Variants in MAP7 observed in about 807,000 individuals in gnomAD.
The protein encoded by MAP7 is ensconsin.
MAP7 carries 52 observed loss-of-function variants against 94.8 expected under a neutral mutation model. That is an observed-to-expected ratio of 0.55 (90% CI 0.44 to 0.69). The LOEUF (loss-of-function observed/expected upper bound fraction) is 0.69, where lower values mean the gene tolerates loss of function less well. Among genes scored for constraint, MAP7 ranks in the 30% least tolerant of loss-of-function variants. The pLI is 0.00. For missense variants in MAP7, 940 were observed against 964.6 expected, an observed-to-expected ratio of 0.97 and a Z score of 0.34; for synonymous variants, 350 against 357.0, an observed-to-expected ratio of 0.98 and a Z score of 0.22.
In MAP7 at chr6:136,479,240, A is replaced by G. The variant is rs12194983; in HGVS notation, c.68-57441T>C. ...TCGCAAACTCAACGTGATACATCAT[A>G]TCAACAAAATAAAAAACCACATAAT... On this transcript the variant is annotated intron_variant, in intron 1 of 17. Coordinates refer to ENST00000354570, the MANE Select transcript of MAP7 (RefSeq NM_003980.6). Among the ~76,000 whole-genome samples the G allele has an allele frequency of 8.3e-3, 1,267 of 152,264 alleles. 12 individuals are homozygous for G. The highest frequency in any genetic ancestry group is 0.013 in the Non-Finnish European group (908 of 67,994).
intron 1 of MAP7, among the ~76,000 whole-genome samples, chr6:136,518,890 T>C (rs1733429509): frequency 6.6e-6 from 1 of 152,354 alleles, no homozygotes; most frequent in Non-Finnish European, 1.5e-5. Context: ...GAGTCAGCTC[T>C]TTTAGCTCCA....
chr6:136,501,498 A>G (rs1210653875), intron 1 of MAP7, among the ~76,000 whole-genome samples: 1 of 152,084 alleles, frequency 6.6e-6, no homozygotes, highest in Non-Finnish European at 1.5e-5. Flanking sequence ...TAAGTGCTCC[A>G]CTCATGATGG....
At chr6:136,511,749 T>A (rs1276183996) in intron 1 of MAP7, among the ~76,000 whole-genome samples, 1 of 152,226 alleles carries the variant, frequency 6.6e-6, no homozygotes, top group African/African-American at 2.4e-5. Flanking sequence ...GATTTGTGTA[T>A]GCAAGTTCTC....
At position 136,522,253 on chromosome 6, in the gene MAP7, C is replaced by G. The variant is rs77108073; in HGVS notation, c.67+28089G>C. On this transcript the variant is annotated intron_variant, in intron 1 of 17. Transcript: ENST00000354570. The stretch of plus-strand genomic sequence containing the variant: ...TAAGAGCATCAGCATAAGCCCAGCT[C>G]GCTCCCAGTGATTATTTAATTACTG... Among the ~76,000 whole-genome samples the G allele has an allele frequency of 8.6e-3, 1,314 of 152,192 alleles. 5 individuals are homozygous for G. Among genetic ancestry groups the G allele is most frequent in the Middle Eastern group, 0.027 (8 of 294 alleles).
At chr6:136,381,642 G>A (rs886514260) in intron 6 of MAP7, among the ~76,000 whole-genome samples, 3 of 152,044 alleles carry the variant, frequency 2.0e-5, no homozygotes, top group African/African-American at 4.8e-5. Flanking sequence ...AGGCTGACCT[G>A]GCCTGCTAGA....
chr6:136,521,520 C>T (rs943738535), intron 1 of MAP7, among the ~76,000 whole-genome samples: 1 of 152,116 alleles, frequency 6.6e-6, no homozygotes, highest in African/African-American at 2.4e-5. Flanking sequence ...GGACATCAAT[C>T]AGGTTTTATA....
intron 2 of MAP7, among the ~76,000 whole-genome samples, chr6:136,419,452 G>A (rs955715033): frequency 7.9e-5 from 12 of 151,836 alleles, no homozygotes; most frequent in Non-Finnish European, 1.0e-4. Context: ...TTTAATCCTC[G>A]TGGCTCAGCA....
At chr6:136,529,255 C>G (rs1279685770) in intron 1 of MAP7, among the ~76,000 whole-genome samples, 1 of 150,750 alleles carries the variant, frequency 6.6e-6, no homozygotes, top group Non-Finnish European at 1.5e-5. Flanking sequence ...ACTGGGATTA[C>G]AGGCATCTGC....
chr6:136,362,804 T>C, intron 10 of MAP7, 102 bp from the exon 11 acceptor site: 2 of 1,482,342 alleles, frequency 1.3e-6, no homozygotes, highest in Non-Finnish European at 1.8e-6. Flanking sequence ...TTTACCATTA[T>C]GAAAGAAAAG....
chr6:136,451,934 C>T (rs775372222), intron 1 of MAP7, among the ~76,000 whole-genome samples: 2 of 152,150 alleles, frequency 1.3e-5, no homozygotes, highest in African/African-American at 2.4e-5. Flanking sequence ...CAGTGGCTCA[C>T]GCCTGTAATC....
chr6:136,399,592 A>G (rs6919515), intron 3 of MAP7, among the ~76,000 whole-genome samples: 134,731 of 152,078 alleles, frequency 0.89, 59,969 homozygotes, highest in African/African-American at 0.97. Context: ...GGGCTCAAGC[A>G]ATCCTCCTGC....
chr6:136,544,989 T>C (rs1485832264), intron 1 of MAP7, among the ~76,000 whole-genome samples: 1 of 152,216 alleles, frequency 6.6e-6, no homozygotes, highest in African/African-American at 2.4e-5. Flanking sequence ...AATAAGTCAA[T>C]GAGCCAAACT....
At chr6:136,389,711 T>C (rs1168983860) in intron 3 of MAP7, among the ~76,000 whole-genome samples, 194 bp from the exon 4 acceptor site, 1 of 152,164 alleles carries the variant, frequency 6.6e-6, no homozygotes. Flanking sequence ...TTTAGCATAA[T>C]TTAATATGTT....
intron 1 of MAP7, among the ~76,000 whole-genome samples, chr6:136,522,570 T>C (rs1826702181): frequency 6.6e-6 from 1 of 152,184 alleles, no homozygotes; most frequent in Non-Finnish European, 1.5e-5. Flanking sequence ...ACTTCTTTAT[T>C]ACTGGTAGAA....
intron 2 of MAP7, 95 bp downstream of exon 2, chr6:136,421,606 G>GA: frequency 8.1e-7 from 1 of 1,231,724 alleles, no homozygotes; most frequent in Non-Finnish European, 1.2e-6. Flanking sequence ...CTGGAAACTA[G>GA]AATTTAAACA....
chr6:136,533,303 T>C (rs1014059123), intron 1 of MAP7, among the ~76,000 whole-genome samples: 10 of 152,098 alleles, frequency 6.6e-5, no homozygotes, highest in East Asian at 5.8e-4. Context: ...CTGATAAAGA[T>C]GAATAAGAGA....
intron 1 of MAP7, among the ~76,000 whole-genome samples, chr6:136,466,515 T>C (rs1468583076): frequency 1.3e-5 from 2 of 152,110 alleles, no homozygotes; most frequent in Admixed American, 1.3e-4. Flanking sequence ...CAAACGGCTC[T>C]AGGACATGAA....
chr6:136,399,723 G>A (rs994228820), intron 3 of MAP7, among the ~76,000 whole-genome samples: 1 of 152,088 alleles, frequency 6.6e-6, no homozygotes, highest in African/African-American at 2.4e-5. Context: ...TAATTGTTGT[G>A]ATTACTTATA....
At chr6:136,380,154 C>T (rs775191218) in intron 6 of MAP7, among the ~76,000 whole-genome samples, 98 of 152,138 alleles carry the variant, frequency 6.4e-4, no homozygotes, top group Non-Finnish European at 1.2e-3. Flanking sequence ...TGACAATTTC[C>T]ATTATAGGCC....
Sources: gnomAD v4.1 joint callset for allele counts (sites outside exome capture counted in the v4.1 genomes callset) on GRCh38, gnomAD v4.1.1 for gene constraint, MANE v1.5 for transcripts, NCBI Gene and HGNC (gene_info 2026-07-23, HGNC 2026-07-21) for gene names.